Variants in TTC3 observed in about 807,000 individuals in gnomAD.
The protein encoded by TTC3 is tetratricopeptide repeat domain 3, also known as E3 ubiquitin-protein ligase TTC3.
A neutral mutation model predicts 249.6 loss-of-function variants in TTC3; 180 were observed. The observed-to-expected ratio is 0.72, with a 90% CI of 0.64 to 0.82. The LOEUF (loss-of-function observed/expected upper bound fraction) is 0.82, where lower values mean the gene tolerates loss of function less well. Ranked by LOEUF, TTC3 falls within the 40% of genes least tolerant of loss-of-function variation. The probability of loss-of-function intolerance (pLI) is 0.00; values close to 1 mark genes in which losing one functional copy is unlikely to be tolerated. For missense variants in TTC3, 2,061 were observed against 2,398.4 expected, an observed-to-expected ratio of 0.86 and a Z score of 2.94; for synonymous variants, 717 against 805.0, an observed-to-expected ratio of 0.89 and a Z score of 1.85.
intron 12 of TTC3, 103 bp downstream of exon 12, chr21:37,122,082 G>A: frequency 9.2e-7 from 1 of 1,089,128 alleles, no homozygotes; most frequent in Non-Finnish European, 1.3e-6. Flanking sequence ...ATCCTCAGAT[G>A]ATTTATCCTT....
chr21:37,167,717 C>A, intron 34 of TTC3, 97 bp downstream of exon 34: 1 of 858,186 alleles, frequency 1.2e-6, no homozygotes. Flanking sequence ...TCAGCTTATT[C>A]CACACAAAGT....
intron 34 of TTC3, among the ~76,000 whole-genome samples, chr21:37,171,615 T>C (rs2081796183): frequency 6.6e-6 from 1 of 152,214 alleles, no homozygotes; most frequent in South Asian, 2.1e-4. Context: ...GTAACTAAAG[T>C]CTTAAACCAT....
intron 19 of TTC3, among the ~76,000 whole-genome samples, chr21:37,140,051 T>C (rs1177318294): frequency 6.6e-6 from 1 of 152,156 alleles, no homozygotes; most frequent in East Asian, 1.9e-4. Flanking sequence ...GTTGAGAATA[T>C]TCAAAAAAGA....
At chr21:37,088,044 C>T (rs1308890082) in intron 3 of TTC3, 152 bp from the exon 4 acceptor site, 4 of 934,808 alleles carry the variant, frequency 4.3e-6, no homozygotes, top group African/African-American at 1.7e-5. Context: ...TTTTTGCCAG[C>T]ACTTAAATAT....
chr21:37,112,409 A>G (rs2147819378), intron 11 of TTC3, among the ~76,000 whole-genome samples: 3 of 152,340 alleles, frequency 2.0e-5, no homozygotes, highest in Middle Eastern at 3.4e-3. Flanking sequence ...AATACTGTAA[A>G]CACCTCTACG....
At chr21:37,152,335 T>C (rs2079544789) in intron 26 of TTC3, among the ~76,000 whole-genome samples, 1 of 152,016 alleles carries the variant, frequency 6.6e-6, no homozygotes, top group African/African-American at 2.4e-5. Context: ...GAGGCTGGGT[T>C]AGGATTGTTG....
intron 26 of TTC3, among the ~76,000 whole-genome samples, chr21:37,152,538 C>T (rs958583897): frequency 3.3e-5 from 5 of 152,052 alleles, no homozygotes; most frequent in African/African-American, 7.2e-5. Context: ...AGGTGCCCGC[C>T]ACCATGCCCA....
At chr21:37,102,044 ACT>A (rs1568919015) in intron 10 of TTC3, among the ~76,000 whole-genome samples, 3 of 46,264 alleles carry the variant, frequency 6.5e-5, no homozygotes, top group African/African-American at 1.2e-4. Context: ...TTATCTTTTT[ACT>A]TATGTTTTAC....
intron 44 of TTC3, among the ~76,000 whole-genome samples, chr21:37,198,931 G>A (rs1012469771): frequency 3.9e-5 from 6 of 151,914 alleles, no homozygotes; most frequent in African/African-American, 7.3e-5. Context: ...AATAGAAAAC[G>A]GTCAAGTTAA....
intron 16 of TTC3, among the ~76,000 whole-genome samples, chr21:37,132,335 CTT>C (rs35828883): frequency 1.1e-3 from 154 of 144,082 alleles, no homozygotes; most frequent in African/African-American, 1.5e-3. Flanking sequence ...TATTTTTTTT[CTT>C]TTTTTTTTTT....
intron 37 of TTC3, 122 bp downstream of exon 37, chr21:37,185,896 T>G (rs1182682500): frequency 2.3e-6 from 1 of 426,494 alleles, no homozygotes; most frequent in East Asian, 4.4e-5. Context: ...TATGTTTCTG[T>G]TTTCTTTATT....
chr21:37,199,791 C>T (rs751980859), intron 44 of TTC3, among the ~76,000 whole-genome samples: 44 of 152,088 alleles, frequency 2.9e-4, no homozygotes, highest in Non-Finnish European at 1.3e-4. Context: ...GCTGTTGGGG[C>T]CAGCTTTCTA....
intron 10 of TTC3, among the ~76,000 whole-genome samples, chr21:37,101,998 T>A (rs2074558605): frequency 6.7e-6 from 1 of 149,586 alleles, no homozygotes; most frequent in Non-Finnish European, 1.5e-5. Flanking sequence ...AGTATGTAGA[T>A]TTCCATTTTA....
intron 39 of TTC3, among the ~76,000 whole-genome samples, chr21:37,190,666 A>G (rs2083974944): frequency 1.3e-5 from 2 of 152,196 alleles, no homozygotes; most frequent in Non-Finnish European, 2.9e-5. Flanking sequence ...GGTAGAGTAT[A>G]CAAAGATTCT....
At chr21:37,119,562 G>C (rs985924140) in intron 11 of TTC3, among the ~76,000 whole-genome samples, 1 of 152,066 alleles carries the variant, frequency 6.6e-6, no homozygotes, top group Non-Finnish European at 1.5e-5. Context: ...CAGCTGCCTT[G>C]GTCCTCTGTA....
At chr21:37,120,027 A>G (rs1031950237) in intron 11 of TTC3, among the ~76,000 whole-genome samples, 4 of 152,144 alleles carry the variant, frequency 2.6e-5, no homozygotes, top group Admixed American at 2.6e-4. Context: ...TTTGACCTAG[A>G]AAGTAGTGCA....
intron 20 of TTC3, among the ~76,000 whole-genome samples, chr21:37,144,003 A>G (rs984067325): frequency 6.6e-6 from 1 of 151,672 alleles, no homozygotes; most frequent in Non-Finnish European, 1.5e-5. Context: ...ACAAAAAACC[A>G]AACACCGCAT....
chr21:37,074,944 CTT>C (rs1183708552), intron 1 of TTC3, among the ~76,000 whole-genome samples: 2 of 152,138 alleles, frequency 1.3e-5, no homozygotes, highest in African/African-American at 4.8e-5. Flanking sequence ...ATTATTTAAT[CTT>C]TTGCCAAATT....
intron 1 of TTC3, among the ~76,000 whole-genome samples, chr21:37,085,166 G>T (rs1601266052): frequency 6.6e-6 from 1 of 152,200 alleles, no homozygotes. Context: ...ATGCCATGAT[G>T]TGTGGGCTGT....
Sources: gnomAD v4.1 joint callset for allele counts (sites outside exome capture counted in the v4.1 genomes callset) on GRCh38, gnomAD v4.1.1 for gene constraint, MANE v1.5 for transcripts, NCBI Gene and HGNC (gene_info 2026-07-23, HGNC 2026-07-21) for gene names.